The following TYW1B variants were observed in gnomAD, a reference collection of about 807,000 sequenced individuals.
TYW1B encodes S-adenosyl-L-methionine-dependent tRNA 4-demethylwyosine synthase TYW1B.
In TYW1B, 73 loss-of-function variants were observed where a neutral mutation model predicts 86.9. That is an observed-to-expected ratio of 0.84 (90% CI 0.70 to 1.02). The LOEUF (loss-of-function observed/expected upper bound fraction) is 1.02, where lower values mean the gene tolerates loss of function less well. Among genes scored for constraint, TYW1B ranks in the 50% least tolerant of loss-of-function variants. The probability of loss-of-function intolerance (pLI) is 0.00; values close to 1 mark genes in which losing one functional copy is unlikely to be tolerated. For missense variants in TYW1B, 637 were observed against 827.4 expected, an observed-to-expected ratio of 0.77 and a Z score of 2.82; for synonymous variants, 248 against 292.8, an observed-to-expected ratio of 0.85 and a Z score of 1.56.
At chr7:72,805,820 AAT>A (rs1202640755) in intron 5 of TYW1B, among the ~76,000 whole-genome samples, 7 of 152,086 alleles carry the variant, frequency 4.6e-5, no homozygotes, top group Middle Eastern at 3.2e-3. Flanking sequence ...CCCAAAGAAT[AAT>A]GATAGGAACA....
chr7:72,779,766 G>A (rs1261166386), intron 6 of TYW1B, among the ~76,000 whole-genome samples: 1 of 140,796 alleles, frequency 7.1e-6, no homozygotes, highest in Non-Finnish European at 1.5e-5. Context: ...GAAATTTGGA[G>A]TCAATATCTC....
chr7:72,721,637 C>A (rs531145920), intron 9 of TYW1B, among the ~76,000 whole-genome samples: 1 of 151,976 alleles, frequency 6.6e-6, no homozygotes, highest in Non-Finnish European at 1.5e-5. Flanking sequence ...CACACACACA[C>A]GCACACACAC....
chr7:72,821,457 A>G (rs1788826331), intron 2 of TYW1B, among the ~76,000 whole-genome samples: 1 of 152,258 alleles, frequency 6.6e-6, no homozygotes, highest in Admixed American at 6.5e-5. Flanking sequence ...TTTCAAAACA[A>G]TTCTGTAATC....
chr7:72,779,861 GAA>G (rs1233622939), intron 6 of TYW1B, among the ~76,000 whole-genome samples: 1 of 102,832 alleles, frequency 9.7e-6, no homozygotes, highest in Non-Finnish European at 2.0e-5. Context: ...TACCAAATGA[GAA>G]AAAAAAAAAA....
At chr7:72,635,317 AT>A (rs1240844669) in intron 11 of TYW1B, among the ~76,000 whole-genome samples, 5 of 152,188 alleles carry the variant, frequency 3.3e-5, no homozygotes, top group Non-Finnish European at 7.3e-5. Flanking sequence ...CACACTTTTA[AT>A]TACTGTTGCT....
intron 9 of TYW1B, among the ~76,000 whole-genome samples, chr7:72,723,783 T>C (rs779902051): frequency 6.6e-6 from 1 of 152,040 alleles, no homozygotes; most frequent in Non-Finnish European, 1.5e-5. Context: ...CTTTATGGTC[T>C]TTTTCAGTTG....
intron 11 of TYW1B, among the ~76,000 whole-genome samples, chr7:72,679,437 T>C (rs1290100555): frequency 2.6e-5 from 4 of 152,184 alleles, no homozygotes; most frequent in African/African-American, 7.2e-5. Context: ...GAAGGCTACA[T>C]AGCAGTTACA....
intron 12 of TYW1B, among the ~76,000 whole-genome samples, chr7:72,617,571 T>C (rs1812107789): frequency 6.6e-6 from 1 of 152,210 alleles, no homozygotes; most frequent in Non-Finnish European, 1.5e-5. Flanking sequence ...TTCGCCATGT[T>C]GACCAGGCTG....
chr7:72,663,404 C>T (rs1354545440), intron 11 of TYW1B, among the ~76,000 whole-genome samples: 4 of 151,976 alleles, frequency 2.6e-5, no homozygotes, highest in South Asian at 4.2e-4. Flanking sequence ...TTGGAGTGCC[C>T]CCTCCCCCAG....
chr7:72,817,643 A>T lies in TYW1B; in HGVS notation c.136-2162T>A, dbSNP rs572160525. On this transcript the variant is annotated intron_variant, in intron 2 of 13. Coordinates refer to ENST00000620995, the MANE Select transcript of TYW1B (RefSeq NM_001145440.3). ...GTCCAGGTTCTTCACATGTTGAACA[A>T]AGAATTGAAAAAAATGCACAAGTGA... Among the ~76,000 whole-genome samples, 5 of 152,236 alleles carry T rather than the reference A, an allele frequency of 3.3e-5. No homozygotes were observed. In the South Asian group the frequency reaches 1.0e-3, roughly 32 times the overall value.
At chr7:72,812,991 G>A (rs782111117) in intron 3 of TYW1B, among the ~76,000 whole-genome samples, 3 of 151,840 alleles carry the variant, frequency 2.0e-5, no homozygotes, top group Admixed American at 6.6e-5. Context: ...ACCCCACCTG[G>A]CCTCTGTTTT....
chr7:72,686,545 G>A (rs1418492576), intron 11 of TYW1B, among the ~76,000 whole-genome samples: 1 of 152,132 alleles, frequency 6.6e-6, no homozygotes, highest in Non-Finnish European at 1.5e-5. Flanking sequence ...GGTTGCCAGG[G>A]ATGAGGGAGG....
chr7:72,809,892 C>G (rs527693050), intron 4 of TYW1B, among the ~76,000 whole-genome samples: 5 of 150,816 alleles, frequency 3.3e-5, no homozygotes, highest in Admixed American at 2.0e-4. Flanking sequence ...CCCAGCTACT[C>G]GGGAGGCTGA....
intron 7 of TYW1B, among the ~76,000 whole-genome samples, chr7:72,771,752 T>A (rs1259720198): frequency 6.6e-6 from 1 of 151,556 alleles, no homozygotes; most frequent in African/African-American, 2.4e-5. Context: ...AACCAACCCA[T>A]GGCTGGAAAC....
intron 13 of TYW1B, among the ~76,000 whole-genome samples, chr7:72,598,646 C>T (rs1184187803): frequency 3.9e-5 from 6 of 151,978 alleles, no homozygotes; most frequent in African/African-American, 1.2e-4. Flanking sequence ...AGTTTAATAG[C>T]CTGAGGAGTT....
intron 11 of TYW1B, among the ~76,000 whole-genome samples, chr7:72,643,221 A>G (rs782799187): frequency 5.0e-4 from 76 of 152,316 alleles, no homozygotes; most frequent in Admixed American, 2.1e-3. Context: ...AAGAAATGCC[A>G]TAAAATAAGG....
intron 11 of TYW1B, among the ~76,000 whole-genome samples, chr7:72,659,676 G>A (rs1209857640): frequency 6.6e-6 from 1 of 152,202 alleles, no homozygotes; most frequent in Non-Finnish European, 1.5e-5. Context: ...CAAACCGGGT[G>A]GTGGGGTGAG....
At chr7:72,766,524 G>T (rs1347448734) in intron 7 of TYW1B, among the ~76,000 whole-genome samples, 1 of 139,326 alleles carries the variant, frequency 7.2e-6, no homozygotes, top group Non-Finnish European at 1.5e-5. Context: ...TTAGGCAGGA[G>T]AATCACTTGA....
intron 12 of TYW1B, among the ~76,000 whole-genome samples, chr7:72,620,884 G>T (rs1240724970): frequency 2.0e-5 from 3 of 152,214 alleles, no homozygotes; most frequent in Non-Finnish European, 4.4e-5. Context: ...ATCAGAATCT[G>T]CAGGCTGAGG....
Sources: gnomAD v4.1 joint callset for allele counts (sites outside exome capture counted in the v4.1 genomes callset) on GRCh38, gnomAD v4.1.1 for gene constraint, MANE v1.5 for transcripts, NCBI Gene and HGNC (gene_info 2026-07-23, HGNC 2026-07-21) for gene names.